PAX6: variants seen among roughly 807,000 people sequenced by gnomAD.
PAX6 encodes paired box protein Pax-6.
In PAX6, 7 loss-of-function variants were observed where a neutral mutation model predicts 60.7. The ratio of observed to expected loss-of-function variants is 0.12; its 90% CI spans 0.07 to 0.22. The LOEUF (loss-of-function observed/expected upper bound fraction) is 0.22, where lower values mean the gene tolerates loss of function less well. Ranked by LOEUF, PAX6 falls within the 10% of genes least tolerant of loss-of-function variation. The pLI, the probability that PAX6 is intolerant of heterozygous loss-of-function variation, is 1.00. For synonymous variants in PAX6, 208 were observed against 201.2 expected, an observed-to-expected ratio of 1.03 and a Z score of -0.29; for missense variants, 355 against 555.2, an observed-to-expected ratio of 0.64 and a Z score of 3.62.
At chr11:31,790,677 C>T (rs1290947759) in intron 13 of PAX6, 33 bp downstream of exon 13, 1 of 1,613,704 alleles carries the variant, frequency 6.2e-7, no homozygotes, top group Non-Finnish European at 8.5e-7. Context: ...AGAGAGATCG[C>T]CTCTGTGCAG....
chr11:31,804,070 A>C (rs186786754), intron 4 of PAX6: 74 of 152,318 alleles, frequency 4.9e-4, no homozygotes, highest in African/African-American at 1.6e-3. Flanking sequence ...CAGGAGCCTG[A>C]GCTTCTTAGC....
intron 4 of PAX6, chr11:31,805,991 C>G: frequency 5.0e-6 from 1 of 200,684 alleles, no homozygotes; most frequent in Non-Finnish European, 9.9e-6. Context: ...TGGAGACTTT[C>G]AGTCTTGGCT....
At chr11:31,817,064 C>A (rs1179373936) in intron 1 of PAX6, among the ~76,000 whole-genome samples, 1 of 152,248 alleles carries the variant, frequency 6.6e-6, no homozygotes, top group Non-Finnish European at 1.5e-5. Flanking sequence ...CTTCTCTTTC[C>A]CGGGCTTGGC....
rs1949361335 is a variant in PAX6 at position 31,790,115 on chromosome 11, A to AAAAC, written c.1226-97_1226-96insGTTT. 4 of 791,900 alleles carry AAAAC rather than the reference A, an allele frequency of 5.1e-6. 1 individual carries two copies. The highest frequency in any genetic ancestry group is 5.4e-4 in the Middle Eastern group (2 of 3,726). The allele number at this position is 791,900 out of a possible 1,614,324, so 49.1% of individuals were successfully genotyped here. A position where few individuals can be genotyped will look rare whatever the true frequency, so the allele number is the denominator to read the frequency against. ...AGGTTTACAAAAAAAAAAAAAAAAA[A>AAAAC]AAAAACTAATACTTTCTAACATTTT... On this transcript the variant is annotated intron_variant, in intron 13 of 13. Transcript: ENST00000640368.
At chr11:31,816,725 G>C (rs1957398196) in intron 1 of PAX6, 1 of 689,712 alleles carries the variant, frequency 1.4e-6, no homozygotes, top group South Asian at 1.5e-5. Flanking sequence ...GGAGTCGGGC[G>C]GAGGTCCCAA....
intron 8 of PAX6, among the ~76,000 whole-genome samples, chr11:31,799,739 G>A (rs555265850): frequency 6.6e-6 from 1 of 152,264 alleles, no homozygotes; most frequent in Admixed American, 6.5e-5. Context: ...CAGCCTCCTC[G>A]CAGTCCCGCG....
At chr11:31,815,997 G>A (rs558213707), upstream of PAX6, among the ~76,000 whole-genome samples, 41 of 152,280 alleles carry the variant, frequency 2.7e-4, no homozygotes, top group South Asian at 8.3e-4. Context: ...TTCCTCACGA[G>A]AGGAAAGGGA....
chr11:31,791,744 G>A (rs1950044601), intron 12 of PAX6: 7 of 152,142 alleles, frequency 4.6e-5, no homozygotes, highest in Admixed American at 4.6e-4. Context: ...TATCAGAGAA[G>A]GTCCAGAGGA....
At position 31,789,647 on chromosome 11, in the gene PAX6, T is replaced by A. The variant is rs924735815; in HGVS notation, c.*287A>T. 5.7e-6 allele frequency: 4 copies of A among 698,246 alleles called. No homozygotes were observed. The highest frequency in any genetic ancestry group is 5.3e-5 in the African/African-American group (3 of 56,858). The allele number at this position is 698,246 out of a possible 1,614,324, so 43.3% of individuals were successfully genotyped here. ...CATCCAGTCTACATTGTTCTTTTTTTCATTATAACATACAAATGCCCATTT... is the reference window on the plus strand; with the variant it reads ...CATCCAGTCTACATTGTTCTTTTTTACATTATAACATACAAATGCCCATTT... On this transcript the variant is annotated 3_prime_UTR_variant, in exon 14 of 14. Transcript: ENST00000640368.
chr11:31,794,506 G>A, intron 9 of PAX6, 124 bp downstream of exon 9: 2 of 927,722 alleles, frequency 2.2e-6, no homozygotes, highest in South Asian at 1.4e-5. Flanking sequence ...GAAATAAAAA[G>A]ACAGAAAAAA....
At chr11:31,803,004 T>G (rs1216853753) in intron 4 of PAX6, 170 bp from the exon 5 acceptor site, 2 of 730,040 alleles carry the variant, frequency 2.7e-6, no homozygotes, top group Non-Finnish European at 4.7e-6. Flanking sequence ...CAATGCATCC[T>G]CATCCCCCTG....
intron 10 of PAX6, 42 bp downstream of exon 10, chr11:31,793,990 G>A: frequency 7.3e-7 from 1 of 1,373,132 alleles, no homozygotes; most frequent in South Asian, 1.2e-5. Flanking sequence ...AAAGACAAAT[G>A]GTATGAATCA....
chr11:31,796,019 C>T (rs887369484), intron 8 of PAX6, among the ~76,000 whole-genome samples: 10 of 152,218 alleles, frequency 6.6e-5, no homozygotes, highest in African/African-American at 1.9e-4. Context: ...CAATAGGCTG[C>T]GCCTTCAAAG....
At chr11:31,800,624 G>A in intron 8 of PAX6, 67 bp downstream of exon 8, 1 of 1,570,038 alleles carries the variant, frequency 6.4e-7, no homozygotes, top group Non-Finnish European at 8.7e-7. Flanking sequence ...GAAATGGTTG[G>A]GAGAGTAGGG....
chr11:31,817,470 C>T (rs1029628877), intron 1 of PAX6, among the ~76,000 whole-genome samples: 2 of 152,270 alleles, frequency 1.3e-5, no homozygotes, highest in Non-Finnish European at 2.9e-5. Context: ...GTCCCCACCT[C>T]CTGCATTTTT....
chr11:31,808,102 A>C (rs1194735983), intron 2 of PAX6: 1 of 152,184 alleles, frequency 6.6e-6, no homozygotes, highest in African/African-American at 2.4e-5. Flanking sequence ...CCCCCCAAAA[A>C]GAGGTAAAAT....
At chr11:31,801,524 T>C in intron 7 of PAX6, 37 bp downstream of exon 7, 1 of 1,613,764 alleles carries the variant, frequency 6.2e-7, no homozygotes, top group Non-Finnish European at 8.5e-7. Flanking sequence ...AGCATTGGGC[T>C]TAGGGCAGGG....
chr11:31,802,274 T>C (rs967730961), intron 5 of PAX6: 3 of 330,940 alleles, frequency 9.1e-6, no homozygotes, highest in African/African-American at 6.5e-5. Flanking sequence ...TTAAAATCAA[T>C]ATATATTATT....
At chr11:31,807,934 G>A (rs979195371) in intron 2 of PAX6, 5 of 152,136 alleles carry the variant, frequency 3.3e-5, no homozygotes, top group African/African-American at 1.2e-4. Flanking sequence ...TCTTTTGGGT[G>A]AGTGGAGAAA....
Sources: gnomAD v4.1 joint callset for allele counts (sites outside exome capture counted in the v4.1 genomes callset) on GRCh38, gnomAD v4.1.1 for gene constraint, MANE v1.5 for transcripts, NCBI Gene and HGNC (gene_info 2026-07-23, HGNC 2026-07-21) for gene names.